The following BMPR1B variants were observed in gnomAD, a reference collection of about 807,000 sequenced individuals.
BMPR1B encodes the protein bone morphogenetic protein receptor type-1B.
Under a neutral mutation model 59.1 loss-of-function variants are expected in BMPR1B, and 12 were observed. That is an observed-to-expected ratio of 0.20 (90% CI 0.13 to 0.33). The LOEUF (loss-of-function observed/expected upper bound fraction) is 0.33. BMPR1B is among the 10% of genes least tolerant of loss of function. The pLI, the probability that BMPR1B is intolerant of heterozygous loss-of-function variation, is 1.00. For synonymous variants in BMPR1B, 237 were observed against 207.3 expected (o/e 1.14, Z -1.23); for missense variants, 550 against 610.9 (o/e 0.90, Z 1.05).
chr4:95,145,809 G>T (rs1014575565), intron 10 of BMPR1B, among the ~76,000 whole-genome samples: 1 of 152,134 alleles, frequency 6.6e-6, no homozygotes, highest in African/African-American at 2.4e-5. Context: ...AGTGCTAAAG[G>T]CACTTGCCAA....
At chr4:95,104,633 G>A (rs1731073531) in intron 4 of BMPR1B, 66 bp downstream of exon 4, 4 of 1,578,710 alleles carry the variant, frequency 2.5e-6, no homozygotes, top group African/African-American at 1.4e-5. Flanking sequence ...CTATGCAACT[G>A]TAGGCTAGTG....
intron 3 of BMPR1B, among the ~76,000 whole-genome samples, chr4:95,045,401 C>A (rs1388063537): frequency 1.3e-5 from 2 of 152,118 alleles, no homozygotes; most frequent in African/African-American, 2.4e-5. Flanking sequence ...AGGATAAAAT[C>A]AAAACTTCTA....
Position 95,131,421 on chromosome 4 carries a change from G to A in BMPR1B, c.985G>A (p.Ala329Thr). 4 of 1,613,918 alleles carry A rather than the reference G, an allele frequency of 2.5e-6. No homozygotes were observed. The highest frequency in any genetic ancestry group is 3.4e-6 in the Non-Finnish European group (4 of 1,179,944). The stretch of plus-strand genomic sequence containing the variant: ...TAGTACTCAAGGCAAACCAGCAATT[G>A]CCCATCGAGATCTGAAAAGTAAAAA... ...IFSTQGKPAIAHRDLKSKNIL... is the reference protein window; with the variant it reads ...IFSTQGKPAITHRDLKSKNIL... The change falls in exon 10 of 13, where the codon GCC (alanine) becomes ACC (threonine). Residue 329 changes from alanine (A) to threonine (T), a missense_variant. This residue lies in a region of BMPR1B where 318 missense variants were observed against 284.6 expected (regional missense o/e 1.12). Transcript: ENST00000515059.
chr4:95,121,505 T>C (rs1732525146), intron 6 of BMPR1B, among the ~76,000 whole-genome samples: 1 of 152,186 alleles, frequency 6.6e-6, no homozygotes, highest in Non-Finnish European at 1.5e-5. Context: ...TGGCATTATG[T>C]CTAAAACTTT....
At chr4:95,087,248 G>A (rs1185280642) in intron 3 of BMPR1B, among the ~76,000 whole-genome samples, 2 of 151,968 alleles carry the variant, frequency 1.3e-5, no homozygotes, top group East Asian at 1.9e-4. Flanking sequence ...GGCTGGTCAC[G>A]AACTTTGTCT....
chr4:95,077,424 G>A (rs1359766676), intron 3 of BMPR1B, among the ~76,000 whole-genome samples: 2 of 152,110 alleles, frequency 1.3e-5, no homozygotes, highest in African/African-American at 4.8e-5. Context: ...TGTTAGAACA[G>A]TTTTCACCTG....
intron 1 of BMPR1B, among the ~76,000 whole-genome samples, chr4:94,813,560 G>A (rs187645713): frequency 6.6e-6 from 1 of 152,154 alleles, no homozygotes; most frequent in Non-Finnish European, 1.5e-5. Flanking sequence ...CACTGGAATC[G>A]TGCAGGCTGT....
intron 3 of BMPR1B, among the ~76,000 whole-genome samples, chr4:95,083,474 G>A (rs184114137): frequency 1.1e-4 from 16 of 152,218 alleles, no homozygotes; most frequent in Admixed American, 1.0e-3. Flanking sequence ...TAGAAGTTTA[G>A]CTGAAGTGAT....
chr4:95,045,009 A>C (rs1199915122), intron 3 of BMPR1B, among the ~76,000 whole-genome samples: 1 of 152,164 alleles, frequency 6.6e-6, no homozygotes, highest in South Asian at 2.1e-4. Context: ...GAAAGTTTGA[A>C]AAACATTTTA....
intron 2 of BMPR1B, among the ~76,000 whole-genome samples, chr4:94,928,070 G>A (rs972026530): frequency 6.6e-6 from 1 of 151,824 alleles, no homozygotes; most frequent in Non-Finnish European, 1.5e-5. Context: ...TGGTAAAAGT[G>A]CTTTTTCTTA....
chr4:95,028,738 G>A (rs1352820797), intron 3 of BMPR1B, among the ~76,000 whole-genome samples: 3 of 152,018 alleles, frequency 2.0e-5, no homozygotes, highest in East Asian at 3.9e-4. Context: ...CTAAAATTAT[G>A]TGTTTCCATG....
intron 3 of BMPR1B, among the ~76,000 whole-genome samples, chr4:95,012,124 G>A (rs1357083873): frequency 6.6e-6 from 1 of 152,042 alleles, no homozygotes; most frequent in Non-Finnish European, 1.5e-5. Flanking sequence ...TTAAGATATT[G>A]ATGGAACTAT....
At chr4:95,120,669 CTTTCT>C (rs1307975314) in intron 6 of BMPR1B, among the ~76,000 whole-genome samples, 3 of 62,234 alleles carry the variant, frequency 4.8e-5, no homozygotes, top group Non-Finnish European at 7.1e-5. Context: ...CTTCCTTCTT[CTTTCT>C]TTTCTTTTCT....
chr4:94,871,764 A>G (rs1047091816), intron 1 of BMPR1B, among the ~76,000 whole-genome samples: 2 of 152,220 alleles, frequency 1.3e-5, no homozygotes, highest in African/African-American at 4.8e-5. Flanking sequence ...ACAATTTTCA[A>G]CAACTTAGTT....
At chr4:95,084,175 A>G (rs1379165345) in intron 3 of BMPR1B, among the ~76,000 whole-genome samples, 1 of 151,646 alleles carries the variant, frequency 6.6e-6, no homozygotes, top group South Asian at 2.1e-4. Flanking sequence ...AGTGACATTC[A>G]TACATATATC....
At chr4:94,847,108 C>G (rs553397128) in intron 1 of BMPR1B, among the ~76,000 whole-genome samples, 2 of 152,212 alleles carry the variant, frequency 1.3e-5, no homozygotes, top group Non-Finnish European at 2.9e-5. Flanking sequence ...GGGAAAAAAT[C>G]TGATCAAAAT....
chr4:94,810,507 T>C (rs1166691866), intron 1 of BMPR1B, among the ~76,000 whole-genome samples: 2 of 152,162 alleles, frequency 1.3e-5, no homozygotes, highest in Admixed American at 6.5e-5. Flanking sequence ...CAGTAACTTG[T>C]GTTGTTGCCC....
Position 94,964,957 on chromosome 4 carries a change from T to TA in BMPR1B, c.-112-31083_-112-31082insA, listed in dbSNP as rs574294729. Among the ~76,000 whole-genome samples, 526 of 152,278 alleles carry TA rather than the reference T, an allele frequency of 3.5e-3. 1 individual carries two copies. Among genetic ancestry groups the TA allele is most frequent in the African/African-American group, 0.012 (501 of 41,568 alleles). Reference sequence around the variant, plus strand: ...GTACCCTTGCCCCTGCCTATTCTAATGCTGAATTTCTTTCAAGACCATGCT... The same window carrying TA: ...GTACCCTTGCCCCTGCCTATTCTAATAGCTGAATTTCTTTCAAGACCATGCT... On this transcript the variant is annotated intron_variant, in intron 2 of 12. Coordinates refer to ENST00000515059, the MANE Select transcript of BMPR1B (RefSeq NM_001203.3).
At chr4:95,022,121 G>T (rs1724032955) in intron 3 of BMPR1B, among the ~76,000 whole-genome samples, 1 of 152,096 alleles carries the variant, frequency 6.6e-6, no homozygotes, top group African/African-American at 2.4e-5. Flanking sequence ...GAAACAAGAA[G>T]GCTCCTTCAG....
Sources: allele counts gnomAD v4.1 joint callset (sites outside exome capture counted in the v4.1 genomes callset), GRCh38; gene constraint gnomAD v4.1.1; regional missense constraint gnomAD v4.1.1; transcripts MANE v1.5; gene names NCBI Gene and HGNC (gene_info 2026-07-23, HGNC 2026-07-21).